The following LTBP2 variants were observed in gnomAD, a reference collection of about 807,000 sequenced individuals.
The protein encoded by LTBP2 is latent transforming growth factor beta binding protein 2, also known as latent-transforming growth factor beta-binding protein 2.
LTBP2 carries 103 observed loss-of-function variants against 210.6 expected under a neutral mutation model. The ratio of observed to expected loss-of-function variants is 0.49; its 90% CI spans 0.42 to 0.58. The LOEUF (loss-of-function observed/expected upper bound fraction) is 0.58, where lower values mean the gene tolerates loss of function less well. Among genes scored for constraint, LTBP2 ranks in the 20% least tolerant of loss-of-function variants. The pLI is 0.00. For missense variants in LTBP2, 2,313 were observed against 2,494.5 expected (o/e 0.93, Z 1.55); for synonymous variants, 1,007 against 1,015.0 (o/e 0.99, Z 0.15).
rs569046428 is a variant in LTBP2, at chr14:74,549,808, G to A, written c.1789+55C>T. On this transcript the variant is annotated intron_variant, in intron 8 of 35. Coordinates refer to ENST00000261978, the MANE Select transcript of LTBP2 (RefSeq NM_000428.3). ...GGAGGGGAAACCCTGGCAGGAGAGG[G>A]CAGGCCCAGGGAGAGCTTCCTCCAC... The A allele has an allele frequency of 1.1e-3, 1,574 of 1,436,586 alleles. 8 individuals carry two copies. The Middle Eastern group carries it at 0.011, about 10-fold the overall frequency. 89.0% of individuals were successfully genotyped at this position (1,436,586 alleles called of 1,614,324 possible).
chr14:74,606,847 A>C (rs2088533676), intron 1 of LTBP2, among the ~76,000 whole-genome samples: 1 of 151,632 alleles, frequency 6.6e-6, no homozygotes, highest in African/African-American at 2.4e-5. Context: ...ATCTCAAAAA[A>C]CAAAACAAAC....
intron 28 of LTBP2, among the ~76,000 whole-genome samples, chr14:74,505,687 G>A (rs1305192063): frequency 6.6e-6 from 1 of 152,150 alleles, no homozygotes; most frequent in African/African-American, 2.4e-5. Flanking sequence ...AAGTGGGAAA[G>A]GGAGAGCCCG....
At chr14:74,520,516 T>C (rs1380793634) in intron 17 of LTBP2, among the ~76,000 whole-genome samples, 1 of 152,188 alleles carries the variant, frequency 6.6e-6, no homozygotes, top group Non-Finnish European at 1.5e-5. Context: ...ATGGTAGCTA[T>C]TCTTGGTCAG....
At position 74,575,239 on chromosome 14, in the gene LTBP2, T is replaced by C. The variant is rs1017856016; in HGVS notation, c.830+10615A>G. The stretch of plus-strand genomic sequence containing the variant: ...TGGCCTGCTCAGGGCCTGACCTCCA[T>C]GGATCTCAGGTATTTGTGTGGGTTG... On this transcript the variant is annotated intron_variant, in intron 3 of 35. Coordinates refer to ENST00000261978, the MANE Select transcript of LTBP2 (RefSeq NM_000428.3). Among the ~76,000 whole-genome samples the C allele has an allele frequency of 4.6e-5, 7 of 152,314 alleles. No individual in the cohort carries two copies. In the South Asian group the frequency reaches 1.2e-3, roughly 27 times the overall value.
chr14:74,587,548 C>G (rs1047178911), intron 2 of LTBP2, among the ~76,000 whole-genome samples: 2 of 151,452 alleles, frequency 1.3e-5, no homozygotes, highest in Admixed American at 1.3e-4. Flanking sequence ...GAGGCGAAGA[C>G]CAGGCTGTGG....
At chr14:74,552,760 C>T in intron 5 of LTBP2, 132 bp downstream of exon 5, 1 of 1,169,772 alleles carries the variant, frequency 8.5e-7, no homozygotes, top group Non-Finnish European at 1.2e-6. Flanking sequence ...GACTCAGCTC[C>T]CCATGTGATT....
chr14:74,546,636 A>T (rs1992303), intron 8 of LTBP2, among the ~76,000 whole-genome samples: 1 of 152,104 alleles, frequency 6.6e-6, no homozygotes, highest in Admixed American at 6.5e-5. Flanking sequence ...GGGATGGGGC[A>T]GAGCGAGGGC....
chr14:74,531,579 C>T (rs569656253), intron 10 of LTBP2, among the ~76,000 whole-genome samples: 1 of 152,262 alleles, frequency 6.6e-6, no homozygotes, highest in East Asian at 1.9e-4. Flanking sequence ...TGGGTTCAGC[C>T]TCTGGGTGGC....
chr14:74,596,424 A>G (rs967470300), intron 2 of LTBP2, among the ~76,000 whole-genome samples: 7 of 152,140 alleles, frequency 4.6e-5, no homozygotes, highest in Non-Finnish European at 8.8e-5. Flanking sequence ...GAGACTGGGT[A>G]GATGACAAGG....
At chr14:74,564,733 A>C (rs1031256423) in intron 3 of LTBP2, among the ~76,000 whole-genome samples, 11 of 151,966 alleles carry the variant, frequency 7.2e-5, no homozygotes, top group African/African-American at 2.7e-4. Context: ...TTCTGTGCCA[A>C]TAACGCCCAT....
chr14:74,556,444 G>A (rs2087729942), intron 3 of LTBP2, among the ~76,000 whole-genome samples: 1 of 152,204 alleles, frequency 6.6e-6, no homozygotes, highest in African/African-American at 2.4e-5. Flanking sequence ...CTATATGATA[G>A]TCCAGCTAAA....
chr14:74,553,066 C>T lies in LTBP2; in HGVS notation c.1022-4G>A. ...ATTTTCTCCGTGAGGTTCAGCCCTG[C>T]AGAGAGAGGGCTTGGGTCCAGGGGG... On this transcript the variant is annotated splice_polypyrimidine_tract_variant and splice_region_variant and intron_variant, in intron 4 of 35. Coordinates refer to ENST00000261978, the MANE Select transcript of LTBP2 (RefSeq NM_000428.3). 5.0e-6 allele frequency: 8 copies of T among 1,614,014 alleles called. No homozygotes were observed. Among genetic ancestry groups the T allele is most frequent in the Non-Finnish European group, 6.8e-6 (8 of 1,179,928 alleles).
chr14:74,511,414 G>A, intron 18 of LTBP2, 50 bp from the exon 19 acceptor site: 2 of 1,611,948 alleles, frequency 1.2e-6, no homozygotes, highest in Non-Finnish European at 1.7e-6. Flanking sequence ...CATAGCAAAT[G>A]GGTAGGTCTG....
In LTBP2 at chr14:74,516,894, T is replaced by G. The variant is rs1326833177; in HGVS notation, c.2836A>C (p.Thr946Pro). Residue 946 changes from threonine (T) to proline (P), a missense_variant, in exon 18 of 36, where the codon ACC becomes CCC. By Grantham distance (38) the Thr-to-Pro change is conservative. Around this residue, in one of 3 missense-constraint regions of LTBP2, gnomAD observed 1,867 missense variants for 1,976.9 expected, o/e 0.94. Coordinates refer to ENST00000261978, the MANE Select transcript of LTBP2 (RefSeq NM_000428.3). ...QPGVCSGGQC[T>P]NTEGSYHCEC... ...CAGTGGTACGAGCCCTCGGTGTTGG[T>G]GCACTGCCCCCCGCTGCACACCCCT... The G allele has an allele frequency of 6.4e-7, 1 of 1,551,972 alleles. No homozygotes were observed. The highest frequency in any genetic ancestry group is 8.7e-7 in the Non-Finnish European group (1 of 1,147,120).
chr14:74,580,103 G>A (rs868740764), intron 3 of LTBP2, among the ~76,000 whole-genome samples: 11 of 152,260 alleles, frequency 7.2e-5, no homozygotes, highest in Admixed American at 2.0e-4. Context: ...TACCTAAGAC[G>A]TTAGTGTTGC....
intron 7 of LTBP2, 116 bp downstream of exon 7, chr14:74,550,946 AGT>A (rs1475413484): frequency 2.3e-6 from 3 of 1,306,606 alleles, no homozygotes; most frequent in African/African-American, 1.5e-5. Flanking sequence ...GAAATGGGAG[AGT>A]CTGCAGACAC....
intron 3 of LTBP2, among the ~76,000 whole-genome samples, chr14:74,569,573 C>A (rs1309126610): frequency 6.6e-6 from 1 of 152,142 alleles, no homozygotes; most frequent in Admixed American, 6.5e-5. Context: ...CTCCCAGGTC[C>A]AATGACAGAA....
chr14:74,549,912 C>T lies in LTBP2; in HGVS notation c.1740G>A (p.Val580=). 1 of 1,614,198 alleles carries T rather than the reference C, an allele frequency of 6.2e-7. No individual in the cohort carries two copies. The highest frequency in any genetic ancestry group is 8.5e-7 in the Non-Finnish European group (1 of 1,180,032). Reference sequence around the variant, plus strand: ...ACAAAGTCACCCCCCAGAAGGCTCCCACACTGCCACAGCAGTCCTCCTGGG... The same window carrying T: ...ACAAAGTCACCCCCCAGAAGGCTCCTACACTGCCACAGCAGTCCTCCTGGG... The part of the protein sequence containing the change: ...LTTQEDCCGS[V]GAFWGVTLCA... The change falls in exon 8 of 36, where the codon GTG becomes GTA. Residue 580 remains valine (V), a synonymous_variant. Coordinates refer to ENST00000261978, the MANE Select transcript of LTBP2 (RefSeq NM_000428.3).
chr14:74,528,420 T>A, intron 12 of LTBP2, 63 bp downstream of exon 12: 1 of 1,575,096 alleles, frequency 6.3e-7, no homozygotes, highest in Non-Finnish European at 8.7e-7. Context: ...CCCACACTTC[T>A]CTGAGGTGCT....
Sources: allele counts gnomAD v4.1 joint callset (sites outside exome capture counted in the v4.1 genomes callset), GRCh38; gene constraint gnomAD v4.1.1; regional missense constraint gnomAD v4.1.1; transcripts MANE v1.5; gene names NCBI Gene and HGNC (gene_info 2026-07-23, HGNC 2026-07-21).